Variants in CUX2 observed in about 807,000 individuals in gnomAD.
CUX2 encodes the protein cut like homeobox 2.
CUX2 carries 40 observed loss-of-function variants against 144.8 expected under a neutral mutation model. That is an observed-to-expected ratio of 0.28 (90% CI 0.21 to 0.36). CUX2 has a LOEUF of 0.36. Ranked by LOEUF, CUX2 falls within the 10% of genes least tolerant of loss-of-function variation. The pLI is 1.00. For synonymous variants in CUX2, 827 were observed against 875.6 expected, an observed-to-expected ratio of 0.94 and a Z score of 0.98; for missense variants, 1,615 against 1,994.0, an observed-to-expected ratio of 0.81 and a Z score of 3.62.
intron 4 of CUX2, among the ~76,000 whole-genome samples, chr12:111,279,047 G>A (rs1337000446): frequency 6.6e-6 from 1 of 152,216 alleles, no homozygotes; most frequent in South Asian, 2.1e-4. Flanking sequence ...AGCACTGTGC[G>A]CTGGGGGAGG....
chr12:111,330,737 A>ATATATATATG (rs1555217612), intron 18 of CUX2, among the ~76,000 whole-genome samples: 12 of 85,642 alleles, frequency 1.4e-4, no homozygotes, highest in Non-Finnish European at 2.2e-4. Flanking sequence ...ATATATATAT[A>ATATATATATG]TATATATATA....
In CUX2 at chr12:111,267,214, A is replaced by AAAAG. The variant is rs1555209942; in HGVS notation, c.301+3384_301+3387dup. 9.0e-4 allele frequency among the ~76,000 whole-genome samples: 135 copies of AAAAG among 149,236 alleles called. 1 individual carries two copies. The highest frequency in any genetic ancestry group is 1.2e-3 in the Admixed American group (18 of 14,814). On this transcript the variant is annotated intron_variant, in intron 4 of 21. Coordinates refer to ENST00000261726, the MANE Select transcript of CUX2 (RefSeq NM_015267.4). ...CCCTGTCAAAAAAAAAAAAAAAAAA[A>AAAAG]AAAGAAAGAAAGGGAGGGAGGGAGG...
chr12:111,332,148 T>G (rs1245761862), intron 18 of CUX2, among the ~76,000 whole-genome samples: 1 of 149,358 alleles, frequency 6.7e-6, no homozygotes, highest in Non-Finnish European at 1.5e-5. Context: ...TTTTTTTTTT[T>G]TGGAAACAGA....
chr12:111,263,625 A>AAAAACAAAACAAAACAAAAC lies in CUX2; in HGVS notation c.223-121_223-102dup. 1 of 765,704 alleles carries AAAAACAAAACAAAACAAAAC rather than the reference A, an allele frequency of 1.3e-6. No individual in the cohort carries two copies. The highest frequency in any genetic ancestry group is 2.2e-6 in the Non-Finnish European group (1 of 450,636). The allele number at this position is 765,704 out of a possible 1,614,324, so 47.4% of individuals were successfully genotyped here. On this transcript the variant is annotated intron_variant, in intron 3 of 21. Transcript: ENST00000261726. This position sits in a 1 kb window ranked among gnomAD's most constrained non-coding sequence, Gnocchi z 4.0. ...GGGCGACAGAGCAAGACTCTCTCTC[A>AAAAACAAAACAAAACAAAAC]AAAACAAAACAAAACAAAACAAAAC...
At chr12:111,229,218 C>T (rs925735973) in intron 3 of CUX2, among the ~76,000 whole-genome samples, 8 of 152,164 alleles carry the variant, frequency 5.3e-5, no homozygotes, top group African/African-American at 1.9e-4. Flanking sequence ...CAGAAAGGCC[C>T]CCACTCTTGG....
At chr12:111,130,321 C>G (rs375319549) in intron 1 of CUX2, among the ~76,000 whole-genome samples, 11 of 152,292 alleles carry the variant, frequency 7.2e-5, no homozygotes, top group East Asian at 5.8e-4. Flanking sequence ...ACTGCTCATA[C>G]AGATCAAGTA....
chr12:111,131,463 A>G (rs755395279), intron 1 of CUX2, among the ~76,000 whole-genome samples: 1 of 152,042 alleles, frequency 6.6e-6, no homozygotes, highest in Non-Finnish European at 1.5e-5. Context: ...AAAACCAATC[A>G]TGCCTTCCCA....
chr12:111,235,201 G>A (rs959774477), intron 3 of CUX2, among the ~76,000 whole-genome samples: 13 of 152,176 alleles, frequency 8.5e-5, no homozygotes, highest in African/African-American at 1.9e-4. Context: ...GCTGGGAGGC[G>A]GGGCTGGGGG....
intron 19 of CUX2, among the ~76,000 whole-genome samples, chr12:111,337,222 T>C (rs751095370): frequency 7.3e-5 from 11 of 151,448 alleles, no homozygotes; most frequent in African/African-American, 9.7e-5. Context: ...GTGTGGTGGC[T>C]TAAGCCTGTG....
At chr12:111,314,943 G>A (rs1357854395) in intron 16 of CUX2, among the ~76,000 whole-genome samples, 3 of 152,144 alleles carry the variant, frequency 2.0e-5, no homozygotes, top group Non-Finnish European at 4.4e-5. Flanking sequence ...GTTACACAGA[G>A]ACAGAGGGAA....
At chr12:111,108,496 A>G (rs1873741149) in intron 1 of CUX2, among the ~76,000 whole-genome samples, 1 of 152,136 alleles carries the variant, frequency 6.6e-6, no homozygotes, top group South Asian at 2.1e-4. Context: ...TTACTTCTAC[A>G]TTTATTAATT....
intron 16 of CUX2, among the ~76,000 whole-genome samples, chr12:111,319,178 G>T (rs1887372807): frequency 6.6e-6 from 1 of 152,032 alleles, no homozygotes; most frequent in African/African-American, 2.4e-5. Flanking sequence ...GCTGAGCATG[G>T]TGGCACATGC....
At chr12:111,319,952 G>C in intron 16 of CUX2, 60 bp from the exon 17 acceptor site, 2 of 1,411,804 alleles carry the variant, frequency 1.4e-6, no homozygotes, top group Non-Finnish European at 1.8e-6. Flanking sequence ...TGTGAACATC[G>C]TCCCCTGCAT....
At chr12:111,300,471 T>G (rs906947017) in intron 9 of CUX2, among the ~76,000 whole-genome samples, 1 of 152,186 alleles carries the variant, frequency 6.6e-6, no homozygotes, top group Non-Finnish European at 1.5e-5. Context: ...ATTGTGAACC[T>G]TACTTTTCCC....
At chr12:111,218,134 T>G (rs1052222070) in intron 3 of CUX2, among the ~76,000 whole-genome samples, 197 bp downstream of exon 3, 2 of 152,176 alleles carry the variant, frequency 1.3e-5, no homozygotes, top group African/African-American at 4.8e-5. Flanking sequence ...TCTCTGTTCA[T>G]TTTGACAGAA....
chr12:111,218,451 G>A (rs1372108767), intron 3 of CUX2, among the ~76,000 whole-genome samples: 1 of 152,170 alleles, frequency 6.6e-6, no homozygotes, highest in African/African-American at 2.4e-5. Flanking sequence ...GGCAAGTTGA[G>A]GCTGCAGTGA....
intron 4 of CUX2, among the ~76,000 whole-genome samples, chr12:111,286,312 C>T (rs1404813947): frequency 6.6e-6 from 1 of 152,204 alleles, no homozygotes; most frequent in Non-Finnish European, 1.5e-5. Context: ...CCTACACATG[C>T]ACCCCCATTT....
intron 1 of CUX2, among the ~76,000 whole-genome samples, chr12:111,103,764 AGGT>A (rs1344468129): frequency 1.3e-5 from 2 of 152,222 alleles, no homozygotes; most frequent in African/African-American, 2.4e-5. Context: ...TGAAACGGTC[AGGT>A]GTCTGCCTTC....
At chr12:111,174,264 G>A (rs1261274440) in intron 1 of CUX2, among the ~76,000 whole-genome samples, 2 of 152,224 alleles carry the variant, frequency 1.3e-5, no homozygotes, top group African/African-American at 4.8e-5. Flanking sequence ...AAGCATCCAG[G>A]CAGGAATTGG....
Sources: gnomAD v4.1 joint callset for allele counts (sites outside exome capture counted in the v4.1 genomes callset) on GRCh38, gnomAD v4.1.1 for gene constraint, Gnocchi (gnomAD v3.1) non-coding constraint, MANE v1.5 for transcripts, NCBI Gene and HGNC (gene_info 2026-07-23, HGNC 2026-07-21) for gene names.